The following SULF2 variants were observed in gnomAD, a reference collection of about 807,000 sequenced individuals.
SULF2 encodes the protein sulfatase 2, also known as extracellular sulfatase Sulf-2.
SULF2 carries 52 observed loss-of-function variants against 107.7 expected under a neutral mutation model. The ratio of observed to expected loss-of-function variants is 0.48; its 90% confidence interval spans 0.39 to 0.61. The LOEUF (loss-of-function observed/expected upper bound fraction) is 0.61, where lower values mean the gene tolerates loss of function less well. Among genes scored for constraint, SULF2 ranks in the 20% least tolerant of loss-of-function variants. SULF2 has a pLI of 0.00. For synonymous variants in SULF2, 460 were observed against 464.3 expected (o/e 0.99, Z 0.12); for missense variants, 993 against 1,177.3 (o/e 0.84, Z 2.29).
intron 1 of SULF2, among the ~76,000 whole-genome samples, chr20:47,777,992 T>G (rs112092553): frequency 0.11 from 14,841 of 140,600 alleles, 983 homozygotes; most frequent in Non-Finnish European, 0.14. Flanking sequence ...AAAAAAAAAA[T>G]TAGCTGGGTA....
intron 16 of SULF2, 97 bp from the exon 17 acceptor site, chr20:47,663,309 G>A (rs1281684515): frequency 1.6e-5 from 25 of 1,584,418 alleles, no homozygotes; most frequent in Admixed American, 3.4e-5. Flanking sequence ...AAACCAGTTC[G>A]TCAAATGCCA....
At chr20:47,727,581 C>T (rs1428283398) in intron 3 of SULF2, among the ~76,000 whole-genome samples, 1 of 152,180 alleles carries the variant, frequency 6.6e-6, no homozygotes, top group Non-Finnish European at 1.5e-5. Flanking sequence ...CGCCTGGAAA[C>T]AATCGGAAAC....
intron 2 of SULF2, among the ~76,000 whole-genome samples, chr20:47,753,871 C>T (rs754495849): frequency 1.1e-4 from 16 of 152,202 alleles, no homozygotes; most frequent in Admixed American, 8.5e-4. Flanking sequence ...CGTCTGCAAA[C>T]GAGACCTTTA....
chr20:47,784,009 T>G (rs2122764790), intron 1 of SULF2, among the ~76,000 whole-genome samples: 1 of 152,300 alleles, frequency 6.6e-6, no homozygotes, highest in South Asian at 2.1e-4. Flanking sequence ...GGTGGTTCTG[T>G]AATGGGAGGC....
intron 3 of SULF2, among the ~76,000 whole-genome samples, chr20:47,712,005 G>A (rs960108831): frequency 1.3e-5 from 2 of 152,170 alleles, no homozygotes; most frequent in Non-Finnish European, 2.9e-5. Flanking sequence ...TATACACGAT[G>A]CAGGAAAATA....
chr20:47,690,921 T>C (rs1353293057), intron 4 of SULF2, among the ~76,000 whole-genome samples: 2 of 152,110 alleles, frequency 1.3e-5, no homozygotes, highest in African/African-American at 4.8e-5. Flanking sequence ...ATTGAGTGCT[T>C]ACGATGTGCC....
At position 47,684,569 on chromosome 20, in the gene SULF2, G is replaced by T; in HGVS notation, c.750C>A (p.Tyr250Ter). Residue 250 changes from tyrosine (Y) to a stop codon, truncating the protein, a stop_gained, in exon 6 of 21, where the codon TAC (tyrosine) becomes TAA (stop). Coordinates refer to ENST00000688720, the MANE Select transcript of SULF2 (RefSeq NM_001387048.1). LOFTEE classifies it high-confidence loss of function. ...GTTTGTCCGGGTTGGGCGCGTAGTTGTAGCTCGGCGTGCTGGTGGGCAAGG... is the reference window on the plus strand; with the variant it reads ...GTTTGTCCGGGTTGGGCGCGTAGTTTTAGCTCGGCGTGCTGGTGGGCAAGG... ...PNASQHITPS[Y>*]NYAPNPDKHW... The T allele has an allele frequency of 6.2e-7, 1 of 1,613,854 alleles. No homozygotes were observed. The highest frequency in any genetic ancestry group is 8.5e-7 in the Non-Finnish European group (1 of 1,179,882).
chr20:47,785,445 T>TGCTGCCGCCGCC lies in SULF2; in HGVS notation c.-204_-203insGGCGGCGGCAGC, dbSNP rs2090911181. The TGCTGCCGCCGCC allele has an allele frequency of 1.4e-5, 2 of 147,576 alleles. No homozygotes were observed. The highest frequency in any genetic ancestry group is 1.9e-4 in the East Asian group (1 of 5,144). The allele number at this position is 147,576 out of a possible 1,614,324, so 9.1% of individuals were successfully genotyped here. On this transcript the variant is annotated 5_prime_UTR_variant, in exon 1 of 21. Transcript: ENST00000688720. ...GGCGCAGGGGACTCCGCGCCGCCGC[T>TGCTGCCGCCGCC]GCCGCTGCCGCCGCCGCCGCCGCCG...
intron 1 of SULF2, among the ~76,000 whole-genome samples, chr20:47,758,718 T>C (rs2090351964): frequency 6.6e-6 from 1 of 152,174 alleles, no homozygotes. Flanking sequence ...AAATGAGCCT[T>C]CAAGTCCTGT....
At chr20:47,746,296 G>A (rs1254210018) in intron 2 of SULF2, among the ~76,000 whole-genome samples, 1 of 152,224 alleles carries the variant, frequency 6.6e-6, no homozygotes, top group Non-Finnish European at 1.5e-5. Flanking sequence ...TGTGGGGTCA[G>A]GTACAGGTTG....
In SULF2 at chr20:47,757,245, C is replaced by T. The variant is rs1296488812; in HGVS notation, c.119G>A (p.Arg40Lys). The change falls in exon 2 of 21, where the codon AGG becomes AAG. Residue 40 changes from arginine to lysine, a missense_variant. Around this residue, in one of 3 missense-constraint regions of SULF2, gnomAD observed 388 missense variants for 449.2 expected, o/e 0.86. Transcript: ENST00000688720. ...CAGGATGATGTTGGGGCGGATGTTC[C>T]TGCGGTCCCTCTGAAACCTGCCTTT... is the stretch of plus-strand genomic sequence containing the variant. ...RLKGRFQRDR[R>K]NIRPNIILVL... 1 of 1,569,912 alleles carries T rather than the reference C, an allele frequency of 6.4e-7. No homozygotes were observed. The highest frequency in any genetic ancestry group is 8.6e-7 in the Non-Finnish European group (1 of 1,156,514).
chr20:47,728,499 G>A (rs1424539998), intron 3 of SULF2, among the ~76,000 whole-genome samples: 1 of 152,000 alleles, frequency 6.6e-6, no homozygotes. Flanking sequence ...ATGGGGGTGG[G>A]CTGCTGGCGG....
chr20:47,748,156 G>T (rs1289981861), intron 2 of SULF2, among the ~76,000 whole-genome samples: 1 of 152,150 alleles, frequency 6.6e-6, no homozygotes, highest in African/African-American at 2.4e-5. Flanking sequence ...GGGACCACCA[G>T]GTCTCCCCTG....
At chr20:47,677,400 C>CTG (rs58936261) in intron 8 of SULF2, among the ~76,000 whole-genome samples, 5,140 of 143,888 alleles carry the variant, frequency 0.036, 174 homozygotes, top group African/African-American at 0.088. Flanking sequence ...ACCCAAGTAA[C>CTG]TGTGTGTGTG....
At chr20:47,725,662 T>C (rs775765765) in intron 3 of SULF2, among the ~76,000 whole-genome samples, 17 of 152,298 alleles carry the variant, frequency 1.1e-4, no homozygotes, top group Non-Finnish European at 2.1e-4. Context: ...GTGTTTTCAG[T>C]TGCTCATTCT....
At chr20:47,661,172 A>G (rs879476109) in intron 18 of SULF2, among the ~76,000 whole-genome samples, 1 of 151,964 alleles carries the variant, frequency 6.6e-6, no homozygotes, top group Non-Finnish European at 1.5e-5. Context: ...CACTGGCCTC[A>G]GTTGTGTTGG....
chr20:47,743,050 C>T (rs566182143), intron 2 of SULF2, among the ~76,000 whole-genome samples: 34 of 150,988 alleles, frequency 2.3e-4, no homozygotes, highest in East Asian at 3.9e-4. Context: ...CAAATCCCTG[C>T]GGCCCTCAAC....
chr20:47,736,276 C>T (rs1432641870), intron 3 of SULF2, among the ~76,000 whole-genome samples: 1 of 152,158 alleles, frequency 6.6e-6, no homozygotes, highest in Non-Finnish European at 1.5e-5. Context: ...ACCACACAGC[C>T]CCATTATCTG....
Position 47,752,970 on chromosome 20 carries a change from G to A in SULF2, c.175+4219C>T, listed in dbSNP as rs1195331996. On this transcript the variant is annotated intron_variant, in intron 2 of 20. Transcript: ENST00000688720. ...ACAAAAATTAGCTGGGTGTGGTAGC[G>A]GGCACCTGTAATTCCAGCTACTTGG... Among the ~76,000 whole-genome samples the A allele has an allele frequency of 2.0e-5, 3 of 151,700 alleles. No individual in the cohort carries two copies. In the East Asian group the frequency reaches 5.8e-4, roughly 29 times the overall value.
Sources: gnomAD v4.1 joint callset for allele counts (sites outside exome capture counted in the v4.1 genomes callset) on GRCh38, gnomAD v4.1.1 for gene constraint, gnomAD v4.1.1 regional missense constraint, MANE v1.5 for transcripts, NCBI Gene and HGNC (gene_info 2026-07-23, HGNC 2026-07-21) for gene names.